LRRTM4: variants seen among roughly 807,000 people sequenced by gnomAD.
The protein encoded by LRRTM4 is leucine rich repeat transmembrane neuronal 4.
Under a neutral mutation model 47.6 loss-of-function variants are expected in LRRTM4, and 25 were observed. The ratio of observed to expected loss-of-function variants is 0.53; its 90% CI spans 0.38 to 0.73. The LOEUF (loss-of-function observed/expected upper bound fraction) is 0.73. Among genes scored for constraint, LRRTM4 ranks in the 30% least tolerant of loss-of-function variants. The probability of loss-of-function intolerance (pLI) is 0.00; values close to 1 mark genes in which losing one functional copy is unlikely to be tolerated. For missense variants in LRRTM4, 638 were observed against 713.4 expected, an observed-to-expected ratio of 0.89 and a Z score of 1.20; for synonymous variants, 311 against 269.5, an observed-to-expected ratio of 1.15 and a Z score of -1.51.
At chr2:77,125,012 C>T (rs1367938498) in intron 3 of LRRTM4, among the ~76,000 whole-genome samples, 4 of 152,280 alleles carry the variant, frequency 2.6e-5, no homozygotes, top group Middle Eastern at 3.4e-3. Context: ...GCTTCTTTCT[C>T]TATTTTTGAA....
At chr2:77,179,497 C>A (rs777385887) in intron 3 of LRRTM4, among the ~76,000 whole-genome samples, 2 of 152,120 alleles carry the variant, frequency 1.3e-5, no homozygotes, top group Non-Finnish European at 2.9e-5. Context: ...AGTTGACTGA[C>A]AGGCATTACA....
At chr2:77,023,710 G>T (rs1678353562) in intron 3 of LRRTM4, among the ~76,000 whole-genome samples, 1 of 152,130 alleles carries the variant, frequency 6.6e-6, no homozygotes, top group South Asian at 2.1e-4. Flanking sequence ...ATCTCCATTT[G>T]AGGCCACCTC....
intron 3 of LRRTM4, among the ~76,000 whole-genome samples, chr2:76,985,344 T>G (rs942464793): frequency 6.6e-6 from 1 of 152,032 alleles, no homozygotes; most frequent in Non-Finnish European, 1.5e-5. Flanking sequence ...TTGCTGCTTC[T>G]GTAAAAAGAA....
intron 3 of LRRTM4, among the ~76,000 whole-genome samples, chr2:77,476,706 C>A (rs1355819378): frequency 6.6e-6 from 1 of 151,834 alleles, no homozygotes; most frequent in South Asian, 2.1e-4. Context: ...AAGCGAGGTA[C>A]AAATGTTATT....
chr2:76,987,007 G>A (rs969437464), intron 3 of LRRTM4, among the ~76,000 whole-genome samples: 1 of 151,762 alleles, frequency 6.6e-6, no homozygotes, highest in Admixed American at 6.6e-5. Flanking sequence ...GGAAGGTATT[G>A]GCTTCAATAA....
At chr2:77,021,007 A>G (rs1558802195) in intron 3 of LRRTM4, among the ~76,000 whole-genome samples, 1 of 152,178 alleles carries the variant, frequency 6.6e-6, no homozygotes, top group African/African-American at 2.4e-5. Flanking sequence ...TGCTTGGAGC[A>G]TGAAGGTATA....
At chr2:77,248,644 C>T (rs1281327921) in intron 3 of LRRTM4, among the ~76,000 whole-genome samples, 1 of 151,990 alleles carries the variant, frequency 6.6e-6, no homozygotes, top group African/African-American at 2.4e-5. Flanking sequence ...CATTTCAAAA[C>T]TTACCATAGA....
intron 3 of LRRTM4, among the ~76,000 whole-genome samples, chr2:76,813,632 A>T (rs1167938618): frequency 6.6e-6 from 1 of 152,198 alleles, no homozygotes; most frequent in Non-Finnish European, 1.5e-5. Flanking sequence ...AAGTAGGCCA[A>T]GTTAACTTTT....
intron 3 of LRRTM4, among the ~76,000 whole-genome samples, chr2:77,176,005 T>C (rs1263612479): frequency 6.6e-6 from 1 of 151,374 alleles, no homozygotes; most frequent in Non-Finnish European, 1.5e-5. Flanking sequence ...AAGCTGGTAA[T>C]GTAGGGCCTA....
At chr2:76,832,511 T>C (rs1167785815) in intron 3 of LRRTM4, among the ~76,000 whole-genome samples, 4 of 144,010 alleles carry the variant, frequency 2.8e-5, no homozygotes, top group African/African-American at 7.7e-5. Context: ...AGATGACTAA[T>C]ACTCTTTAGG....
intron 3 of LRRTM4, among the ~76,000 whole-genome samples, chr2:77,038,477 CAG>C (rs764765121): frequency 2.0e-5 from 3 of 151,416 alleles, no homozygotes; most frequent in African/African-American, 2.4e-5. Context: ...AAGTACTGTT[CAG>C]AGTCTATGAA....
At chr2:77,404,345 A>T (rs1163023605) in intron 3 of LRRTM4, among the ~76,000 whole-genome samples, 1 of 151,990 alleles carries the variant, frequency 6.6e-6, no homozygotes, top group Non-Finnish European at 1.5e-5. Flanking sequence ...TTTTTTCTTC[A>T]GCTGGCTACT....
intron 3 of LRRTM4, among the ~76,000 whole-genome samples, chr2:76,835,584 A>G (rs567237640): frequency 2.6e-5 from 4 of 152,226 alleles, no homozygotes; most frequent in South Asian, 2.1e-4. Flanking sequence ...TGCTCTGATC[A>G]TAAGTAAAAC....
intron 3 of LRRTM4, among the ~76,000 whole-genome samples, chr2:77,191,870 C>A (rs1673677625): frequency 6.6e-6 from 1 of 151,916 alleles, no homozygotes; most frequent in African/African-American, 2.4e-5. Flanking sequence ...TCTCTGCCAC[C>A]TGGAACTATA....
At chr2:77,488,206 T>G (rs1678001599) in intron 3 of LRRTM4, among the ~76,000 whole-genome samples, 1 of 152,100 alleles carries the variant, frequency 6.6e-6, no homozygotes, top group Admixed American at 6.5e-5. Context: ...CTCTCCAAGC[T>G]TCCAGGCACC....
chr2:77,338,262 G>A (rs915162191), intron 3 of LRRTM4, among the ~76,000 whole-genome samples: 1 of 152,032 alleles, frequency 6.6e-6, no homozygotes, highest in Admixed American at 6.6e-5. Flanking sequence ...CAACTAAACA[G>A]CTTCTGCACA....
Position 77,138,672 on chromosome 2 carries a change from A to G in LRRTM4, c.1551+379646T>C, listed in dbSNP as rs549133259. Among the ~76,000 whole-genome samples the G allele has an allele frequency of 4.6e-5, 7 of 152,304 alleles. No individual in the cohort carries two copies. In the East Asian group the frequency reaches 9.7e-4, roughly 21 times the overall value. On this transcript the variant is annotated intron_variant, in intron 3 of 3. Coordinates refer to ENST00000409884, the MANE Select transcript of LRRTM4 (RefSeq NM_001134745.3). ...ATATAAAAAACCCTTCAAAAAATCAATGAATCAATGAGCTCGTTTTTTGAA... is the reference window on the plus strand; with the variant it reads ...ATATAAAAAACCCTTCAAAAAATCAGTGAATCAATGAGCTCGTTTTTTGAA...
chr2:77,448,192 T>A (rs1676126335), intron 3 of LRRTM4, among the ~76,000 whole-genome samples: 1 of 152,172 alleles, frequency 6.6e-6, no homozygotes, highest in African/African-American at 2.4e-5. Flanking sequence ...TCACTGTTGG[T>A]AAGATTTTGC....
chr2:77,458,101 G>A (rs1558752773), intron 3 of LRRTM4, among the ~76,000 whole-genome samples: 1 of 152,074 alleles, frequency 6.6e-6, no homozygotes, highest in Non-Finnish European at 1.5e-5. Flanking sequence ...TATAGTTCTT[G>A]CATATGTCCA....
Sources: gnomAD v4.1 joint callset for allele counts (sites outside exome capture counted in the v4.1 genomes callset) on GRCh38, gnomAD v4.1.1 for gene constraint, MANE v1.5 for transcripts, NCBI Gene and HGNC (gene_info 2026-07-23, HGNC 2026-07-21) for gene names.